CNTNAP5: variants seen among roughly 807,000 people sequenced by gnomAD.
The protein encoded by CNTNAP5 is contactin-associated protein-like 5.
CNTNAP5 carries 72 observed loss-of-function variants against 150.2 expected under a neutral mutation model. The ratio of observed to expected loss-of-function variants is 0.48; its 90% CI spans 0.40 to 0.58. The LOEUF is 0.58. Among genes scored for constraint, CNTNAP5 ranks in the 20% least tolerant of loss-of-function variants. CNTNAP5 has a pLI of 0.00. For missense variants in CNTNAP5, 1,636 were observed against 1,626.2 expected, an observed-to-expected ratio of 1.01 and a Z score of -0.10; for synonymous variants, 672 against 619.8, an observed-to-expected ratio of 1.08 and a Z score of -1.25.
chr2:124,673,827 C>T (rs778555247), intron 13 of CNTNAP5, among the ~76,000 whole-genome samples: 7 of 149,610 alleles, frequency 4.7e-5, no homozygotes, highest in African/African-American at 9.8e-5. Context: ...AATATTTTCA[C>T]GATGATAAGG....
At chr2:124,505,211 A>G (rs995477537) in intron 8 of CNTNAP5, among the ~76,000 whole-genome samples, 2 of 152,132 alleles carry the variant, frequency 1.3e-5, no homozygotes, top group African/African-American at 2.4e-5. Flanking sequence ...GGCATGTTTC[A>G]TATGGAATCT....
intron 12 of CNTNAP5, among the ~76,000 whole-genome samples, chr2:124,619,603 G>T (rs1040075279): frequency 1.8e-4 from 27 of 151,818 alleles, no homozygotes. Context: ...TGGACTTTGA[G>T]CAAAGCAGAT....
At chr2:124,155,085 T>G (rs1164213038) in intron 1 of CNTNAP5, among the ~76,000 whole-genome samples, 1 of 150,928 alleles carries the variant, frequency 6.6e-6, no homozygotes, top group Non-Finnish European at 1.5e-5. Flanking sequence ...GTTTTTTTTT[T>G]TTTTTTTTTT....
intron 21 of CNTNAP5, among the ~76,000 whole-genome samples, chr2:124,881,794 A>G (rs1006599597): frequency 7.9e-5 from 12 of 152,076 alleles, no homozygotes; most frequent in African/African-American, 2.9e-4. Flanking sequence ...TGAAGGCAGG[A>G]ACATTTTGTT....
intron 6 of CNTNAP5, among the ~76,000 whole-genome samples, chr2:124,454,298 G>C (rs1261079936): frequency 6.6e-6 from 1 of 152,150 alleles, no homozygotes; most frequent in African/African-American, 2.4e-5. Flanking sequence ...AGTTAAAAGA[G>C]ATAAAGAGAG....
chr2:124,052,231 A>G (rs946794490), intron 1 of CNTNAP5, among the ~76,000 whole-genome samples: 4 of 152,222 alleles, frequency 2.6e-5, no homozygotes, highest in Non-Finnish European at 4.4e-5. Flanking sequence ...ATTTCATCAG[A>G]TTAAGATTAG....
chr2:124,103,891 A>G (rs1382080007), intron 1 of CNTNAP5, among the ~76,000 whole-genome samples: 2 of 147,792 alleles, frequency 1.4e-5, no homozygotes, highest in Non-Finnish European at 3.0e-5. Flanking sequence ...TATAATTTAT[A>G]TATTACATAT....
At chr2:124,801,771 G>T (rs1051666618) in intron 19 of CNTNAP5, among the ~76,000 whole-genome samples, 1 of 152,292 alleles carries the variant, frequency 6.6e-6, no homozygotes, top group South Asian at 2.1e-4. Flanking sequence ...ATCATGGGGG[G>T]TGAGAATTGC....
intron 1 of CNTNAP5, among the ~76,000 whole-genome samples, chr2:124,110,964 C>T (rs1244256195): frequency 1.3e-5 from 2 of 152,086 alleles, no homozygotes; most frequent in Non-Finnish European, 2.9e-5. Flanking sequence ...AAGTGAGGCT[C>T]CTCTGATCTC....
At chr2:124,318,985 C>G (rs1279635449) in intron 3 of CNTNAP5, among the ~76,000 whole-genome samples, 1 of 152,154 alleles carries the variant, frequency 6.6e-6, no homozygotes, top group Non-Finnish European at 1.5e-5. Flanking sequence ...TGCGAAATAC[C>G]CAAACCTCCT....
intron 1 of CNTNAP5, among the ~76,000 whole-genome samples, chr2:124,132,097 G>A (rs1379063592): frequency 6.6e-6 from 1 of 152,104 alleles, no homozygotes; most frequent in South Asian, 2.1e-4. Flanking sequence ...TTCTGCTTTG[G>A]CAGGAAGAAA....
At chr2:124,380,068 A>G in intron 3 of CNTNAP5, among the ~76,000 whole-genome samples, 1 of 152,124 alleles carries the variant, frequency 6.6e-6, no homozygotes, top group South Asian at 2.1e-4. Flanking sequence ...ATCTAAAACT[A>G]TTTTCCTAGT....
In CNTNAP5 at chr2:124,417,469, C is replaced by G; in HGVS notation, c.408C>G (p.Asp136Glu). 6.2e-7 allele frequency: 1 copy of G among 1,613,944 alleles called. No individual in the cohort carries two copies. Among genetic ancestry groups the G allele is most frequent in the Non-Finnish European group, 8.5e-7 (1 of 1,179,856 alleles). Residue 136 changes from aspartate to glutamate, a missense_variant, in exon 4 of 24, where the codon GAC becomes GAG. By Grantham distance (45) the Asp-to-Glu change is conservative. Coordinates refer to ENST00000682447, the MANE Select transcript of CNTNAP5 (RefSeq NM_001367498.1). ...CCTTTGCAGGAAACATGAATGCTGA[C>G]AGCGTGGTGCACCACAAGCTATTGC... ...IWTFAGNMNADSVVHHKLLHS... is the reference protein window; with the variant it reads ...IWTFAGNMNAESVVHHKLLHS...
At chr2:124,339,806 G>C (rs911112550) in intron 3 of CNTNAP5, among the ~76,000 whole-genome samples, 1 of 152,126 alleles carries the variant, frequency 6.6e-6, no homozygotes, top group Non-Finnish European at 1.5e-5. Context: ...GTGAGGGAAT[G>C]GGTGATGCCG....
chr2:124,517,273 G>A (rs1011913607), intron 8 of CNTNAP5, among the ~76,000 whole-genome samples: 2 of 151,710 alleles, frequency 1.3e-5, no homozygotes, highest in African/African-American at 4.8e-5. Context: ...GTGTGGTGGT[G>A]GTGATGAGGG....
intron 3 of CNTNAP5, among the ~76,000 whole-genome samples, chr2:124,389,236 T>C (rs1022259006): frequency 6.6e-6 from 1 of 152,142 alleles, no homozygotes; most frequent in Non-Finnish European, 1.5e-5. Context: ...TGAAAAAAAA[T>C]ATGTGTTGCT....
chr2:124,851,091 G>A (rs368020052), intron 19 of CNTNAP5, among the ~76,000 whole-genome samples: 7 of 152,184 alleles, frequency 4.6e-5, no homozygotes, highest in Admixed American at 2.6e-4. Context: ...CAGGCCGGGC[G>A]CAATGGCTCA....
chr2:124,054,550 AC>A (rs1396088982), intron 1 of CNTNAP5, among the ~76,000 whole-genome samples: 1 of 152,192 alleles, frequency 6.6e-6, no homozygotes, highest in Admixed American at 6.5e-5. Context: ...CCGAGGCAAG[AC>A]CTGCAGAAAA....
At chr2:124,204,019 T>C (rs1451102186) in intron 1 of CNTNAP5, among the ~76,000 whole-genome samples, 1 of 152,262 alleles carries the variant, frequency 6.6e-6, no homozygotes, top group Non-Finnish European at 1.5e-5. Flanking sequence ...GGAAATTTTC[T>C]GAGCTTTTAT....
Sources: allele counts gnomAD v4.1 joint callset (sites outside exome capture counted in the v4.1 genomes callset), GRCh38; gene constraint gnomAD v4.1.1; transcripts MANE v1.5; gene names NCBI Gene and HGNC (gene_info 2026-07-23, HGNC 2026-07-21).